Variants in SLFN12L observed in about 807,000 individuals in gnomAD.
The protein encoded by SLFN12L is schlafen family member 12 like.
A neutral mutation model predicts 34.8 loss-of-function variants in SLFN12L; 34 were observed. The ratio of observed to expected loss-of-function variants is 0.98; its 90% CI spans 0.74 to 1.30. The LOEUF (loss-of-function observed/expected upper bound fraction) is 1.30. Among genes scored for constraint, SLFN12L ranks in the 50% most tolerant of loss-of-function variants. The probability of loss-of-function intolerance (pLI) is 0.00; values close to 1 mark genes in which losing one functional copy is unlikely to be tolerated. For synonymous variants in SLFN12L, 259 were observed against 247.5 expected, an observed-to-expected ratio of 1.05 and a Z score of -0.44; for missense variants, 703 against 696.2, an observed-to-expected ratio of 1.01 and a Z score of -0.11.
chr17:35,532,269 G>A (rs1270237655), intron 1 of SLFN12L, among the ~76,000 whole-genome samples: 6 of 151,426 alleles, frequency 4.0e-5, no homozygotes, highest in Admixed American at 6.6e-5. Context: ...GCGAAACCCC[G>A]ACTCTACTAA....
At chr17:35,511,331 TCAACAAGG>T (rs1915637358) in intron 2 of SLFN12L, among the ~76,000 whole-genome samples, 1 of 152,190 alleles carries the variant, frequency 6.6e-6, no homozygotes, top group South Asian at 2.1e-4. Flanking sequence ...TCAGGTTGTT[TCAACAAGG>T]TCAGAAAGAT....
At chr17:35,482,938 G>C (rs1269589810) in intron 2 of SLFN12L, among the ~76,000 whole-genome samples, 1 of 152,072 alleles carries the variant, frequency 6.6e-6, no homozygotes, top group Non-Finnish European at 1.5e-5. Flanking sequence ...AAAGCCCTGG[G>C]CTCAGCCAGA....
At chr17:35,521,893 C>G (rs571678381) in intron 2 of SLFN12L, among the ~76,000 whole-genome samples, 7 of 151,970 alleles carry the variant, frequency 4.6e-5, no homozygotes, top group African/African-American at 1.7e-4. Flanking sequence ...AAAAATGACC[C>G]GAGTCGGTTT....
At chr17:35,497,017 A>T (rs1377643714) in intron 2 of SLFN12L, among the ~76,000 whole-genome samples, 1 of 152,204 alleles carries the variant, frequency 6.6e-6, no homozygotes, top group Non-Finnish European at 1.5e-5. Context: ...CTGTAATCCC[A>T]ACAATTTGGG....
chr17:35,472,217 T>C lies in SLFN12L; in HGVS notation c.*2706A>G, dbSNP rs1227143250. Among the ~76,000 whole-genome samples, 4 of 152,142 alleles carry C rather than the reference T, an allele frequency of 2.6e-5. No homozygotes were observed. Among genetic ancestry groups the C allele is most frequent in the South Asian group, 2.1e-4 (1 of 4,822 alleles). On this transcript the variant is annotated 3_prime_UTR_variant, in exon 5 of 5. Transcript: ENST00000628453. ...GAGTTTTGCATTTAAGTCTTTAATC[T>C]ATCTTGAGTTAATTTTTGTATAAAG...
chr17:35,515,746 C>T (rs1395461551), intron 2 of SLFN12L, among the ~76,000 whole-genome samples: 1 of 146,782 alleles, frequency 6.8e-6, no homozygotes, highest in African/African-American at 2.6e-5. Flanking sequence ...CAGGTTCAAG[C>T]GATTCTCCTG....
intron 2 of SLFN12L, chr17:35,487,885 A>C: frequency 2.4e-6 from 2 of 846,912 alleles, no homozygotes; most frequent in Non-Finnish European, 1.9e-6. Context: ...ACGCGCTGTT[A>C]TCGACTCTGC....
rs1913761342 is a variant in SLFN12L, at chr17:35,469,208, C to T, written c.*5715G>A. Reference sequence around the variant, plus strand: ...ATGACCACTCCTCCTTGGTTATACACACACGCTAGTCTACACATGCATTAT... The same window carrying T: ...ATGACCACTCCTCCTTGGTTATACATACACGCTAGTCTACACATGCATTAT... On this transcript the variant is annotated 3_prime_UTR_variant, in exon 5 of 5. Transcript: ENST00000628453. Among the ~76,000 whole-genome samples the T allele has an allele frequency of 6.7e-6, 1 of 149,358 alleles. No homozygotes were observed. The highest frequency in any genetic ancestry group is 6.7e-5 in the Admixed American group (1 of 14,850).
intron 2 of SLFN12L, among the ~76,000 whole-genome samples, chr17:35,481,559 G>A (rs1393951921): frequency 6.6e-6 from 1 of 152,246 alleles, no homozygotes; most frequent in Non-Finnish European, 1.5e-5. Flanking sequence ...CTGTCCAGTG[G>A]ACACATGACC....
intron 2 of SLFN12L, among the ~76,000 whole-genome samples, chr17:35,505,305 T>G (rs185435282): frequency 2.6e-5 from 4 of 152,338 alleles, no homozygotes; most frequent in Admixed American, 2.6e-4. Flanking sequence ...GATGGAGTTT[T>G]GACCCAGACT....
intron 4 of SLFN12L, among the ~76,000 whole-genome samples, chr17:35,476,488 A>C (rs929940980): frequency 6.8e-6 from 1 of 147,550 alleles, no homozygotes; most frequent in Non-Finnish European, 1.5e-5. Flanking sequence ...GAAGGAAGGA[A>C]GGAAGGAAGG....
chr17:35,502,842 G>C (rs1391266565), intron 2 of SLFN12L, among the ~76,000 whole-genome samples: 1 of 152,098 alleles, frequency 6.6e-6, no homozygotes, highest in Non-Finnish European at 1.5e-5. Flanking sequence ...AAAAAAAGGG[G>C]GGCAGAATTT....
chr17:35,490,663 C>G, intron 2 of SLFN12L: 1 of 994,890 alleles, frequency 1.0e-6, no homozygotes, highest in South Asian at 1.3e-5. Flanking sequence ...AAGCTGCACG[C>G]TGGACCTCAA....
intron 2 of SLFN12L, among the ~76,000 whole-genome samples, chr17:35,510,805 A>T (rs1467237742): frequency 2.0e-5 from 3 of 151,418 alleles, no homozygotes; most frequent in African/African-American, 4.9e-5. Flanking sequence ...TTCTCTGTTA[A>T]TTATGCCAAA....
At chr17:35,536,889 G>A (rs549189405) in intron 1 of SLFN12L, among the ~76,000 whole-genome samples, 30 of 151,716 alleles carry the variant, frequency 2.0e-4, no homozygotes, top group African/African-American at 6.5e-4. Context: ...AATCTTCACA[G>A]GCGAGGCTGG....
rs1424639022 is a variant in SLFN12L, at chr17:35,471,612, T to C, written c.*3311A>G. On this transcript the variant is annotated 3_prime_UTR_variant, in exon 5 of 5. Coordinates refer to ENST00000628453, the MANE Select transcript of SLFN12L (RefSeq NM_001363830.2). ...AACAGTGTAAAAGCATTCCTATTTC[T>C]CCACAGCCTCGCCGTGCAGTGGAGA... 3.3e-5 allele frequency among the ~76,000 whole-genome samples: 5 copies of C among 151,942 alleles called. No individual in the cohort carries two copies. The highest frequency in any genetic ancestry group is 1.3e-4 in the Admixed American group (2 of 15,240).
intron 2 of SLFN12L, among the ~76,000 whole-genome samples, chr17:35,510,997 A>G (rs1203367049): frequency 6.6e-6 from 1 of 152,172 alleles, no homozygotes; most frequent in East Asian, 1.9e-4. Flanking sequence ...GAAATGGCGT[A>G]TATTAGAAAG....
At chr17:35,487,452 G>A (rs1914628108) in intron 2 of SLFN12L, among the ~76,000 whole-genome samples, 1 of 151,918 alleles carries the variant, frequency 6.6e-6, no homozygotes, top group South Asian at 2.1e-4. Context: ...GCCCCACCTC[G>A]TCCCGGAGCC....
At chr17:35,487,247 C>T (rs1334874234) in intron 2 of SLFN12L, among the ~76,000 whole-genome samples, 2 of 152,276 alleles carry the variant, frequency 1.3e-5, no homozygotes, top group African/African-American at 4.8e-5. Flanking sequence ...GGCCGCCCTG[C>T]GGCTTTTTAA....
Sources: allele counts gnomAD v4.1 joint callset (sites outside exome capture counted in the v4.1 genomes callset), GRCh38; gene constraint gnomAD v4.1.1; transcripts MANE v1.5; gene names NCBI Gene and HGNC (gene_info 2026-07-23, HGNC 2026-07-21).